Variants in AACS observed in about 807,000 individuals in gnomAD.
The protein encoded by AACS is acetoacetate-CoA ligase.
In AACS, 69 loss-of-function variants were observed where a neutral mutation model predicts 83.1. The observed-to-expected ratio is 0.83, with a 90% confidence interval of 0.68 to 1.01. The LOEUF (loss-of-function observed/expected upper bound fraction) is 1.01, where lower values mean the gene tolerates loss of function less well. AACS is among the 50% of genes least tolerant of loss of function. The probability of loss-of-function intolerance (pLI) is 0.00; values close to 1 mark genes in which losing one functional copy is unlikely to be tolerated. For synonymous variants in AACS, 333 were observed against 343.4 expected (o/e 0.97, Z 0.33); for missense variants, 866 against 882.2 (o/e 0.98, Z 0.23).
chr12:125,102,438 G>A, intron 5 of AACS: 1 of 424,014 alleles, frequency 2.4e-6, no homozygotes, highest in Non-Finnish European at 4.4e-6. Flanking sequence ...CCCGTGAAAT[G>A]CAGTGGTCCT....
chr12:125,128,058 T>C, intron 12 of AACS, 103 bp from the exon 13 acceptor site: 1 of 728,572 alleles, frequency 1.4e-6, no homozygotes, highest in Non-Finnish European at 2.2e-6. Context: ...TCTGGGAGAG[T>C]AGATATTTGT....
chr12:125,107,090 A>G (rs202000490), intron 7 of AACS, 31 bp from the exon 8 acceptor site: 5 of 1,613,748 alleles, frequency 3.1e-6, no homozygotes, highest in South Asian at 1.1e-5. Flanking sequence ...TGGGACGTTC[A>G]TGGCGTGTTT....
chr12:125,085,214 G>A (rs1013512927), intron 3 of AACS, among the ~76,000 whole-genome samples: 1 of 152,204 alleles, frequency 6.6e-6, no homozygotes, highest in African/African-American at 2.4e-5. Flanking sequence ...GCACGTGCAT[G>A]TTTCATCCAT....
At chr12:125,136,626 C>T (rs955966191) in intron 16 of AACS, 36 bp from the exon 17 acceptor site, 25 of 1,596,172 alleles carry the variant, frequency 1.6e-5, no homozygotes, top group Non-Finnish European at 2.0e-5. Context: ...CTGAGGGGCC[C>T]CCTGCGTGAA....
chr12:125,100,321 T>C (rs1001189754), intron 5 of AACS, among the ~76,000 whole-genome samples: 10 of 152,254 alleles, frequency 6.6e-5, no homozygotes, highest in African/African-American at 2.4e-4. Flanking sequence ...CCATCATTAG[T>C]TTTTCCTTAT....
Position 125,086,403 on chromosome 12 carries a change from A to G in AACS, c.432A>G (p.Ala144=), listed in dbSNP as rs773411579. ...AAGAAGTGGCTTTGTTTGCAGCAGC[A>G]ATGAGGAAAATGGGTGTGAAGAAAG... ...LRQEVALFAA[A]MRKMGVKKGD... The change falls in exon 4 of 18, where the codon GCA becomes GCG. Residue 144 remains alanine, a synonymous_variant. Coordinates refer to ENST00000316519, the MANE Select transcript of AACS (RefSeq NM_023928.5). 4 of 1,614,186 alleles carry G rather than the reference A, an allele frequency of 2.5e-6. No homozygotes were observed. The highest frequency in any genetic ancestry group is 2.5e-6 in the Non-Finnish European group (3 of 1,180,040).
Position 125,134,823 on chromosome 12 carries a change from G to A in AACS, c.1649G>A (p.Arg550Gln), listed in dbSNP as rs761133508. 16 of 1,614,024 alleles carry A rather than the reference G, an allele frequency of 9.9e-6. No homozygotes were observed. The highest frequency in any genetic ancestry group is 3.3e-5 in the South Asian group (3 of 91,070). The change falls in exon 16 of 18, where the codon CGG becomes CAG. Residue 550 changes from arginine (R) to glutamine (Q), a missense_variant. By Grantham distance (43) the Arg-to-Gln change is conservative. Transcript: ENST00000316519. Reference protein sequence around the residue: ...SDGTLNPNGVRFGSSEIYNIV... With the variant: ...SDGTLNPNGVQFGSSEIYNIV... Reference sequence around the variant, plus strand: ...GGCACCCTCAACCCCAACGGGGTGCGGTTCGGCAGCTCGGAAATCTATAAC... The same window carrying A: ...GGCACCCTCAACCCCAACGGGGTGCAGTTCGGCAGCTCGGAAATCTATAAC...
In AACS at chr12:125,107,175, G is replaced by A. The variant is rs766821572; in HGVS notation, c.822G>A (p.Leu274=). The A allele has an allele frequency of 8.1e-6, 13 of 1,614,164 alleles. No homozygotes were observed. In the South Asian group the frequency reaches 1.4e-4, roughly 18 times the overall value. ...GCACCAGTGAGCAGGCCCCGCAGCT[G>A]GAGTTCGAGCAGCTGCCCTTCAGCC... ...ATGTSEQAPQ[L]EFEQLPFSHP... is the part of the protein sequence containing the mutation. The change falls in exon 8 of 18, where the codon CTG becomes CTA. Residue 274 remains leucine (L), a synonymous_variant. Transcript: ENST00000316519.
chr12:125,095,038 T>C (rs1956576782), intron 5 of AACS, among the ~76,000 whole-genome samples: 1 of 151,180 alleles, frequency 6.6e-6, no homozygotes, highest in Non-Finnish European at 1.5e-5. Context: ...TGTGTGTAAA[T>C]AGGACAGCCA....
intron 3 of AACS, among the ~76,000 whole-genome samples, chr12:125,081,285 C>T (rs903091275): frequency 8.5e-5 from 13 of 152,232 alleles, no homozygotes; most frequent in African/African-American, 2.2e-4. Flanking sequence ...TGAACCACCA[C>T]GCCTAGCAGA....
rs540889209 is a variant in AACS, at chr12:125,097,107, G to T, written c.571-5572G>T. On this transcript the variant is annotated intron_variant, in intron 5 of 17. Transcript: ENST00000316519. The surrounding 1 kb of genome is among the most constrained non-coding windows in gnomAD (Gnocchi z 4.3). ...CAAGGAGGGCTAGCCCTGGTGGCCT[G>T]CGGAGTAAATGCTGGTGGGACCGGG... 5.3e-5 allele frequency among the ~76,000 whole-genome samples: 8 copies of T among 152,264 alleles called. No individual in the cohort carries two copies. In the South Asian group the frequency reaches 1.7e-3, roughly 32 times the overall value.
chr12:125,113,353 A>T lies in AACS; in HGVS notation c.916-1124A>T, dbSNP rs969831351. ...ATGAGCCAGAGGCTCACATCTGTGG[A>T]CCAGACTGAAGGGCAGTGGTCACTG... On this transcript the variant is annotated intron_variant, in intron 8 of 17. Transcript: ENST00000316519. The surrounding 1 kb of genome is among the most constrained non-coding windows in gnomAD (Gnocchi z 4.8). 2.9e-4 allele frequency among the ~76,000 whole-genome samples: 44 copies of T among 152,212 alleles called. No homozygotes were observed. The highest frequency in any genetic ancestry group is 1.0e-3 in the African/African-American group (43 of 41,446).
intron 4 of AACS, 135 bp from the exon 5 acceptor site, chr12:125,091,290 TG>T: frequency 1.3e-6 from 1 of 777,650 alleles, no homozygotes; most frequent in Non-Finnish European, 2.2e-6. Flanking sequence ...GGGCGGGGGC[TG>T]GTGGTCAGGA....
chr12:125,115,181 C>G (rs963109174), intron 9 of AACS, among the ~76,000 whole-genome samples: 2 of 152,100 alleles, frequency 1.3e-5, no homozygotes, highest in Admixed American at 6.5e-5. Context: ...TGTATTTTAC[C>G]CCAGAGGAGG....
chr12:125,114,805 C>G (rs910011885), intron 9 of AACS, among the ~76,000 whole-genome samples: 7 of 149,464 alleles, frequency 4.7e-5, no homozygotes, highest in Middle Eastern at 7.1e-3. Context: ...GGCGCCGGCC[C>G]GTGGCACATG....
chr12:125,107,302 T>C, intron 8 of AACS, 34 bp downstream of exon 8: 1 of 1,604,772 alleles, frequency 6.2e-7, no homozygotes, highest in Admixed American at 1.7e-5. Flanking sequence ...CAGGGCCTCC[T>C]GTTGTCTGTT....
At chr12:125,082,239 AC>A (rs1956209034) in intron 3 of AACS, among the ~76,000 whole-genome samples, 1 of 147,670 alleles carries the variant, frequency 6.8e-6, no homozygotes, top group African/African-American at 2.5e-5. Flanking sequence ...TGGTGCAGTC[AC>A]AACTCACTGT....
At chr12:125,077,168 G>T (rs2136044113) in intron 3 of AACS, among the ~76,000 whole-genome samples, 1 of 150,648 alleles carries the variant, frequency 6.6e-6, no homozygotes, top group South Asian at 2.1e-4. Flanking sequence ...CTCTCATCTT[G>T]GTTTCCCAGA....
intron 7 of AACS, among the ~76,000 whole-genome samples, chr12:125,104,005 A>AG: frequency 7.2e-6 from 1 of 138,974 alleles, no homozygotes; most frequent in East Asian, 2.4e-4. Context: ...AAAAAAAAAA[A>AG]AAAAAAAAAA....
Sources: allele counts gnomAD v4.1 joint callset (sites outside exome capture counted in the v4.1 genomes callset), GRCh38; gene constraint gnomAD v4.1.1; non-coding constraint Gnocchi (gnomAD v3.1); transcripts MANE v1.5; gene names NCBI Gene and HGNC (gene_info 2026-07-23, HGNC 2026-07-21).